DMRT1: variants seen among roughly 807,000 people sequenced by gnomAD.
DMRT1 encodes doublesex and mab-3 related transcription factor 1.
Under a neutral mutation model 32.3 loss-of-function variants are expected in DMRT1, and 7 were observed. That is an observed-to-expected ratio of 0.22 (90% CI 0.12 to 0.41). The LOEUF is 0.41. Ranked by LOEUF, DMRT1 falls within the 10% of genes least tolerant of loss-of-function variation. The probability of loss-of-function intolerance (pLI) is 1.00; values close to 1 mark genes in which losing one functional copy is unlikely to be tolerated. For missense variants in DMRT1, 625 were observed against 500.5 expected (o/e 1.25, Z -2.37); for synonymous variants, 278 against 206.1 (o/e 1.35, Z -2.99).
chr9:854,007 G>A lies in DMRT1; in HGVS notation c.538+6864G>A, dbSNP rs58856328. ...TGTGGAGACAGGGTCTCTTTTTGTT[G>A]CCCACGCTGGTCTTGAACTCCTGGC... On this transcript the variant is annotated intron_variant, in intron 2 of 4. Coordinates refer to ENST00000382276, the MANE Select transcript of DMRT1 (RefSeq NM_021951.3). Among the ~76,000 whole-genome samples, 610 of 151,440 alleles carry A rather than the reference G, an allele frequency of 4.0e-3. 2 individuals are homozygous for A. The highest frequency in any genetic ancestry group is 0.014 in the African/African-American group (576 of 41,228).
intron 4 of DMRT1, among the ~76,000 whole-genome samples, chr9:927,904 A>G (rs1818580530): frequency 6.6e-6 from 1 of 152,224 alleles, no homozygotes; most frequent in African/African-American, 2.4e-5. Flanking sequence ...GTATTGTGGT[A>G]CATTGGAATG....
intron 2 of DMRT1, among the ~76,000 whole-genome samples, chr9:857,236 C>T (rs765032335): frequency 3.9e-5 from 6 of 152,010 alleles, no homozygotes; most frequent in African/African-American, 1.2e-4. Context: ...GAGCCCAGGA[C>T]GTGGAGGTTG....
intron 2 of DMRT1, among the ~76,000 whole-genome samples, chr9:861,234 C>T (rs7854259): frequency 6.6e-6 from 1 of 151,658 alleles, no homozygotes; most frequent in East Asian, 1.9e-4. Flanking sequence ...GTGTTTGTGT[C>T]CCTGGGTAGT....
intron 2 of DMRT1, among the ~76,000 whole-genome samples, chr9:849,186 G>T (rs1188108360): frequency 2.0e-5 from 3 of 152,058 alleles, no homozygotes; most frequent in African/African-American, 4.8e-5. Flanking sequence ...GCTGAGCTAG[G>T]ATTTATTCCA....
At chr9:900,855 A>C (rs912281246) in intron 3 of DMRT1, among the ~76,000 whole-genome samples, 3 of 151,560 alleles carry the variant, frequency 2.0e-5, no homozygotes, top group African/African-American at 7.3e-5. Context: ...ACACCTGGCT[A>C]ATTAAAAAAC....
At chr9:875,233 G>A (rs1041781782) in intron 2 of DMRT1, among the ~76,000 whole-genome samples, 2 of 152,070 alleles carry the variant, frequency 1.3e-5, no homozygotes, top group Admixed American at 1.3e-4. Context: ...AACCAGTATT[G>A]TTTCCGTGGT....
chr9:850,671 G>A (rs1336376166), intron 2 of DMRT1, among the ~76,000 whole-genome samples: 1 of 152,164 alleles, frequency 6.6e-6, no homozygotes, highest in Non-Finnish European at 1.5e-5. Flanking sequence ...TCCTACTTGT[G>A]TCTAATTAGC....
intron 4 of DMRT1, among the ~76,000 whole-genome samples, chr9:947,279 A>C (rs1317943192): frequency 6.6e-6 from 1 of 152,198 alleles, no homozygotes; most frequent in African/African-American, 2.4e-5. Context: ...TTTAAAGCTC[A>C]TCAGTTGTCG....
intron 3 of DMRT1, among the ~76,000 whole-genome samples, chr9:915,818 T>C (rs147887569): frequency 0.036 from 5,396 of 151,962 alleles, 317 homozygotes; most frequent in East Asian, 0.17. Context: ...GTACAAGCTC[T>C]GCCTCCCGGG....
In DMRT1 at chr9:872,710, C is replaced by T. The variant is rs143763281; in HGVS notation, c.539-21202C>T. On this transcript the variant is annotated intron_variant, in intron 2 of 4. Transcript: ENST00000382276. ...TTTATTGTATGAATATACAACATTT[C>T]GTTTACTCATCAGTTAATGGAAAAC... Among the ~76,000 whole-genome samples the T allele has an allele frequency of 5.6e-3, 855 of 152,258 alleles. 14 individuals are homozygous for T. The highest frequency in any genetic ancestry group is 0.019 in the African/African-American group (809 of 41,562).
chr9:853,928 T>G (rs757887372), intron 2 of DMRT1, among the ~76,000 whole-genome samples: 4 of 152,070 alleles, frequency 2.6e-5, no homozygotes, highest in Admixed American at 6.6e-5. Flanking sequence ...CCCGAGCAGT[T>G]AGGACTACAG....
intron 3 of DMRT1, among the ~76,000 whole-genome samples, chr9:903,283 C>G (rs73378443): frequency 6.6e-6 from 1 of 151,326 alleles, no homozygotes; most frequent in Non-Finnish European, 1.5e-5. Flanking sequence ...CCACATTACT[C>G]CTCTGAAGCA....
chr9:920,296 G>T (rs927897609), intron 4 of DMRT1, among the ~76,000 whole-genome samples: 4 of 152,168 alleles, frequency 2.6e-5, no homozygotes, highest in African/African-American at 9.7e-5. Context: ...AGTGTTTATG[G>T]CCCTGTAGAT....
At chr9:923,075 C>T (rs2129810739) in intron 4 of DMRT1, among the ~76,000 whole-genome samples, 1 of 152,308 alleles carries the variant, frequency 6.6e-6, no homozygotes, top group South Asian at 2.1e-4. Flanking sequence ...ATACCATAGG[C>T]CTCTCCTTCA....
chr9:897,103 T>TATTATC, intron 3 of DMRT1, among the ~76,000 whole-genome samples: 1 of 148,322 alleles, frequency 6.7e-6, no homozygotes, highest in African/African-American at 2.5e-5. Context: ...TTATTATTAT[T>TATTATC]ATTATTATTA....
chr9:947,450 G>A (rs952380281), intron 4 of DMRT1, among the ~76,000 whole-genome samples: 7 of 152,148 alleles, frequency 4.6e-5, no homozygotes, highest in Admixed American at 3.9e-4. Context: ...TGCTTCAGAA[G>A]TAATCACTCA....
At chr9:889,424 AT>A (rs1297341196) in intron 2 of DMRT1, among the ~76,000 whole-genome samples, 2 of 152,240 alleles carry the variant, frequency 1.3e-5, no homozygotes, top group Non-Finnish European at 2.9e-5. Flanking sequence ...TCCAATACAT[AT>A]CTCCTATTTA....
intron 3 of DMRT1, among the ~76,000 whole-genome samples, chr9:915,107 A>G (rs1586611612): frequency 6.6e-6 from 1 of 152,258 alleles, no homozygotes; most frequent in Non-Finnish European, 1.5e-5. Flanking sequence ...ATTTCTGGAC[A>G]GAATTGGTTT....
chr9:899,828 G>A (rs1351892962), intron 3 of DMRT1, among the ~76,000 whole-genome samples: 3 of 152,208 alleles, frequency 2.0e-5, no homozygotes, highest in Non-Finnish European at 2.9e-5. Context: ...TCTCCTTTCA[G>A]GCCCTATGGC....
Sources: allele counts gnomAD v4.1 joint callset (sites outside exome capture counted in the v4.1 genomes callset), GRCh38; gene constraint gnomAD v4.1.1; transcripts MANE v1.5; gene names NCBI Gene and HGNC (gene_info 2026-07-23, HGNC 2026-07-21).